Variants in PKD1L1 observed in about 807,000 individuals in gnomAD.
PKD1L1 encodes polycystin-1-like protein 1.
A neutral mutation model predicts 323.4 loss-of-function variants in PKD1L1; 236 were observed. The ratio of observed to expected loss-of-function variants is 0.73; its 90% CI spans 0.66 to 0.81. The LOEUF (loss-of-function observed/expected upper bound fraction) is 0.81, where lower values mean the gene tolerates loss of function less well. PKD1L1 is among the 40% of genes least tolerant of loss of function. The probability of loss-of-function intolerance (pLI) is 0.00; values close to 1 mark genes in which losing one functional copy is unlikely to be tolerated. For synonymous variants in PKD1L1, 1,344 were observed against 1,335.0 expected, an observed-to-expected ratio of 1.01 and a Z score of -0.15; for missense variants, 3,320 against 3,508.0, an observed-to-expected ratio of 0.95 and a Z score of 1.35.
At position 47,877,580 on chromosome 7, in the gene PKD1L1, G is replaced by T. The variant is rs377756992; in HGVS notation, c.3572C>A (p.Pro1191Gln). ...CTGACAGGCCATGTCCCGAGGAGCC[G>T]GGTTGACTGTCAAGTACAGCTGAGC... Reference protein sequence around the residue: ...GKAQLYLTVNPAPRDMACQVQ... With the variant: ...GKAQLYLTVNQAPRDMACQVQ... Residue 1191 changes from proline (P) to glutamine (Q), a missense_variant, in exon 22 of 57, where the codon CCG becomes CAG. Pro to Gln is a moderately conservative substitution (Grantham distance 76). Transcript: ENST00000289672. 5 of 1,614,136 alleles carry T rather than the reference G, an allele frequency of 3.1e-6. No homozygotes were observed. Among genetic ancestry groups the T allele is most frequent in the Non-Finnish European group, 4.2e-6 (5 of 1,180,002 alleles).
intron 55 of PKD1L1, among the ~76,000 whole-genome samples, chr7:47,795,738 CT>C (rs929769528): frequency 4.6e-5 from 7 of 152,176 alleles, no homozygotes; most frequent in Non-Finnish European, 1.0e-4. Flanking sequence ...GTCTTTCCAA[CT>C]GTACAGGTCA....
chr7:47,917,342 A>G (rs1345694037), intron 7 of PKD1L1, among the ~76,000 whole-genome samples: 1 of 152,122 alleles, frequency 6.6e-6, no homozygotes, highest in Admixed American at 6.5e-5. Flanking sequence ...TAAATGACCA[A>G]ACCTAAGAAT....
intron 8 of PKD1L1, among the ~76,000 whole-genome samples, chr7:47,913,447 A>C (rs974497646): frequency 1.3e-5 from 2 of 152,208 alleles, no homozygotes; most frequent in Non-Finnish European, 2.9e-5. Context: ...TTGGGCCTTC[A>C]GCACTGGCGG....
chr7:47,809,513 C>T lies in PKD1L1; in HGVS notation c.7646G>A (p.Gly2549Asp), dbSNP rs966757239. ...TGGCTTTCGCCAGTAGCTGAGGACG[C>T]CCTTGTCCATCATACGGTAGAGTTG... is the stretch of plus-strand genomic sequence containing the variant. ...CVQLYRMMDK[G>D]VLSYWRKPRN... The change falls in exon 51 of 57, where the codon GGC (glycine) becomes GAC (aspartate). Residue 2549 changes from glycine to aspartate, a missense_variant. Gly to Asp is a moderately conservative substitution (Grantham distance 94). Transcript: ENST00000289672. The T allele has an allele frequency of 5.6e-6, 9 of 1,609,516 alleles. No individual in the cohort carries two copies. Among genetic ancestry groups the T allele is most frequent in the Admixed American group, 1.7e-5 (1 of 59,454 alleles).
rs144104914 is a variant in PKD1L1 at position 47,908,239 on chromosome 7, T to C, written c.1240A>G (p.Met414Val). 4.0e-4 allele frequency: 651 copies of C among 1,612,252 alleles called. 5 individuals are homozygous for C. The African/African-American group carries it at 7.4e-3, about 18-fold the overall frequency. Residue 414 changes from methionine (M) to valine (V), a missense_variant, in exon 9 of 57, where the codon ATG becomes GTG. By Grantham distance (21) the Met-to-Val change is conservative (BLOSUM62 1). Coordinates refer to ENST00000289672, the MANE Select transcript of PKD1L1 (RefSeq NM_138295.5). ...TCGTTATAAATAACAGCCTTGAGCA[T>C]ATAGACTCCTTCTGGAAAAATAAGA... The part of the protein sequence containing the change: ...ISAFVTKGVY[M>V]LKAVIYNEFH...
At chr7:47,843,544 G>A (rs1301546474) in intron 33 of PKD1L1, among the ~76,000 whole-genome samples, 1 of 152,178 alleles carries the variant, frequency 6.6e-6, no homozygotes, top group Non-Finnish European at 1.5e-5. Context: ...ACATGCAGGT[G>A]CCATTATGTT....
intron 31 of PKD1L1, among the ~76,000 whole-genome samples, chr7:47,849,163 G>T (rs2128740139): frequency 6.6e-6 from 1 of 152,266 alleles, no homozygotes; most frequent in Non-Finnish European, 1.5e-5. Flanking sequence ...GAATAAAACT[G>T]GATCCTCATC....
intron 28 of PKD1L1, among the ~76,000 whole-genome samples, chr7:47,856,852 CA>C (rs1360376714): frequency 1.3e-5 from 2 of 152,198 alleles, no homozygotes; most frequent in African/African-American, 4.8e-5. Context: ...ATACATCCAT[CA>C]GACATTTGAT....
intron 56 of PKD1L1, among the ~76,000 whole-genome samples, chr7:47,788,320 T>C (rs1042111961): frequency 8.6e-5 from 13 of 150,290 alleles, no homozygotes; most frequent in Admixed American, 3.3e-4. Context: ...TTATTTTATT[T>C]ATTCTATTGC....
intron 8 of PKD1L1, among the ~76,000 whole-genome samples, chr7:47,911,971 G>A (rs1292263304): frequency 6.6e-6 from 1 of 151,634 alleles, no homozygotes; most frequent in Non-Finnish European, 1.5e-5. Flanking sequence ...AGGAAGGCAG[G>A]AAAGAAGAAG....
At chr7:47,789,403 C>A (rs1032651770) in intron 56 of PKD1L1, among the ~76,000 whole-genome samples, 2 of 152,174 alleles carry the variant, frequency 1.3e-5, no homozygotes, top group Non-Finnish European at 2.9e-5. Flanking sequence ...GAATTGTACT[C>A]ACTTTGTTCA....
chr7:47,857,071 C>A lies in PKD1L1; in HGVS notation c.4590+534G>T, dbSNP rs554679336. Among the ~76,000 whole-genome samples, 13 of 152,332 alleles carry A rather than the reference C, an allele frequency of 8.5e-5. No homozygotes were observed. In the East Asian group the frequency reaches 2.1e-3, roughly 25 times the overall value. On this transcript the variant is annotated intron_variant, in intron 28 of 56. Coordinates refer to ENST00000289672, the MANE Select transcript of PKD1L1 (RefSeq NM_138295.5). ...CTCACATCCCCCTTTCACTGTGGTCCCCTGTTCCTCCTGACCTCTCAGGGA... is the reference window on the plus strand; with the variant it reads ...CTCACATCCCCCTTTCACTGTGGTCACCTGTTCCTCCTGACCTCTCAGGGA...
chr7:47,893,879 T>C lies in PKD1L1; in HGVS notation c.2452A>G (p.Arg818Gly). The C allele has an allele frequency of 6.2e-7, 1 of 1,612,586 alleles. No homozygotes were observed. ...GCTCTGTGTGGGGGTGGTGCTCACCTGAGAGTCGCCCCAGGGTCGTCAGGG... is the reference window on the plus strand; with the variant it reads ...GCTCTGTGTGGGGGTGGTGCTCACCCGAGAGTCGCCCCAGGGTCGTCAGGG... Reference protein sequence around the residue: ...FDPDDPGATLRYHWECATAGS... With the variant: ...FDPDDPGATLGYHWECATAGS... Residue 818 changes from arginine to glycine, a missense_variant and splice_region_variant, in exon 15 of 57, where the codon AGG becomes GGG. Coordinates refer to ENST00000289672, the MANE Select transcript of PKD1L1 (RefSeq NM_138295.5).
At chr7:47,861,238 G>C (rs969907224) in intron 26 of PKD1L1, among the ~76,000 whole-genome samples, 1 of 152,234 alleles carries the variant, frequency 6.6e-6, no homozygotes, top group African/African-American at 2.4e-5. Flanking sequence ...TATCTTAAGA[G>C]GCTGAGTAGT....
chr7:47,829,193 G>T (rs1785292202), intron 44 of PKD1L1, among the ~76,000 whole-genome samples: 2 of 151,996 alleles, frequency 1.3e-5, no homozygotes, highest in African/African-American at 4.8e-5. Context: ...TTTAAAATAT[G>T]CTCATTTTCT....
chr7:47,892,113 C>A (rs2128748948), intron 15 of PKD1L1, among the ~76,000 whole-genome samples: 1 of 152,218 alleles, frequency 6.6e-6, no homozygotes, highest in East Asian at 1.9e-4. Context: ...GAGCAGTGAC[C>A]ATAGTAAGTG....
At chr7:47,913,167 C>T (rs1221241518) in intron 8 of PKD1L1, among the ~76,000 whole-genome samples, 1 of 152,090 alleles carries the variant, frequency 6.6e-6, no homozygotes, top group African/African-American at 2.4e-5. Flanking sequence ...CCAGAGCCAG[C>T]ACACTGTCGT....
intron 40 of PKD1L1, 76 bp downstream of exon 40, chr7:47,834,263 G>A (rs1785408782): frequency 1.6e-5 from 23 of 1,455,712 alleles, no homozygotes; most frequent in Middle Eastern, 3.5e-4. Flanking sequence ...CCATAGCCAA[G>A]GGAGGATGCC....
Position 47,857,804 on chromosome 7 carries a change from G to C in PKD1L1, c.4391C>G (p.Thr1464Ser). 6.2e-7 allele frequency: 1 copy of C among 1,614,198 alleles called. No homozygotes were observed. The change falls in exon 28 of 57, where the codon ACT (threonine) becomes AGT (serine). Residue 1464 changes from threonine (T) to serine (S), a missense_variant. Transcript: ENST00000289672. ...LGCLSLNHVS[T>S]GQMEFRTLLH... ...AAGGGTCCGGAACTCCATCTGCCCA[G>C]TGCTAACATGGTTCAAAGAGAGACA...
Sources: gnomAD v4.1 joint callset for allele counts (sites outside exome capture counted in the v4.1 genomes callset) on GRCh38, gnomAD v4.1.1 for gene constraint, MANE v1.5 for transcripts, NCBI Gene and HGNC (gene_info 2026-07-23, HGNC 2026-07-21) for gene names.